Variants in PEX11G observed in about 807,000 individuals in gnomAD.
PEX11G encodes the protein peroxisomal biogenesis factor 11 gamma.
A neutral mutation model predicts 22.5 loss-of-function variants in PEX11G; 20 were observed. The observed-to-expected ratio is 0.89, with a 90% confidence interval of 0.62 to 1.29. PEX11G has a LOEUF of 1.29. Among genes scored for constraint, PEX11G ranks in the 50% most tolerant of loss-of-function variants. PEX11G has a pLI of 0.00. For synonymous variants in PEX11G, 141 were observed against 154.5 expected, an observed-to-expected ratio of 0.91 and a Z score of 0.65; for missense variants, 347 against 331.3, an observed-to-expected ratio of 1.05 and a Z score of -0.37.
intron 3 of PEX11G, among the ~76,000 whole-genome samples, chr19:7,479,092 G>T (rs1428028739): frequency 6.6e-6 from 1 of 152,188 alleles, no homozygotes; most frequent in Non-Finnish European, 1.5e-5. Flanking sequence ...GGGTACCCAG[G>T]GTGCAGGATG....
chr19:7,477,367 G>GCT lies in PEX11G; in HGVS notation c.559_560dup (p.Ser187ArgfsTer28). ...CGGCGTTGGCCAGGTCGGCCAGGTT[G>GCT]CTGAGAAGTGACAGCGCCTCCGACT... On this transcript the variant is annotated frameshift_variant, in exon 5 of 5. Transcript: ENST00000221480. LOFTEE classifies it high-confidence loss of function. The GCT allele has an allele frequency of 6.4e-7, 1 of 1,559,684 alleles. No homozygotes were observed. The highest frequency in any genetic ancestry group is 8.7e-7 in the Non-Finnish European group (1 of 1,154,628).
At position 7,479,479 on chromosome 19, in the gene PEX11G, G is replaced by C. The variant is rs1027942389; in HGVS notation, c.429-1103C>G. ...AGCCTGGGCGACAGAGGAAGACTGT[G>C]TCTCAAGAAAAGAATCAGAAGCCCT... On this transcript the variant is annotated intron_variant, in intron 3 of 4. Coordinates refer to ENST00000221480, the MANE Select transcript of PEX11G (RefSeq NM_080662.4). 2.0e-5 allele frequency among the ~76,000 whole-genome samples: 3 copies of C among 152,296 alleles called. No homozygotes were observed. In the East Asian group the frequency reaches 5.8e-4, roughly 29 times the overall value.
At chr19:7,488,468 C>G (rs569418159) in intron 1 of PEX11G, among the ~76,000 whole-genome samples, 1 of 152,324 alleles carries the variant, frequency 6.6e-6, no homozygotes, top group Admixed American at 6.5e-5. Context: ...GCCAGTGTGT[C>G]AATGTCCAGA....
At chr19:7,484,816 GAAA>G (rs1314036431) in intron 2 of PEX11G, among the ~76,000 whole-genome samples, 1 of 151,750 alleles carries the variant, frequency 6.6e-6, no homozygotes, top group South Asian at 2.1e-4. Context: ...CCTCTGTGGG[GAAA>G]AATTGGAGGC....
At chr19:7,484,866 A>G (rs1402715745) in intron 2 of PEX11G, among the ~76,000 whole-genome samples, 2 of 152,136 alleles carry the variant, frequency 1.3e-5, no homozygotes, top group Non-Finnish European at 2.9e-5. Flanking sequence ...TTTTAAAATT[A>G]TATCCTCCTT....
At position 7,488,959 on chromosome 19, in the gene PEX11G, C is replaced by T. The variant is rs1239678025; in HGVS notation, c.52G>A (p.Asp18Asn). Residue 18 changes from aspartate (D) to asparagine (N), a missense_variant, in exon 1 of 5, where the codon GAC becomes AAC. Coordinates refer to ENST00000221480, the MANE Select transcript of PEX11G (RefSeq NM_080662.4). ...GTCCGCCCCTGCCTCACCAGGCGGT[C>T]CCGGCCCCTGTACGACTCCAGCGCC... is the stretch of plus-strand genomic sequence containing the variant. ...ASALESYRGR[D>N]RLIRVLGYCC... 11 of 1,554,428 alleles carry T rather than the reference C, an allele frequency of 7.1e-6. No homozygotes were observed. The highest frequency in any genetic ancestry group is 2.4e-5 in the East Asian group (1 of 41,256).
chr19:7,491,259 C>T (rs1599228292), upstream of PEX11G: 2 of 143,596 alleles, frequency 1.4e-5, no homozygotes, highest in African/African-American at 5.3e-5. Flanking sequence ...TTTACCACTT[C>T]TTGATTTTTT....
chr19:7,492,928 C>T (rs1438505534), upstream of PEX11G: 1 of 152,234 alleles, frequency 6.6e-6, no homozygotes, highest in Non-Finnish European at 1.5e-5. Context: ...CCCTCCTTCC[C>T]TAACTTCCTT....
rs751260833 is a variant in PEX11G, at chr19:7,482,153, T to C, written c.308A>G (p.Tyr103Cys). 2 of 1,590,846 alleles carry C rather than the reference T, an allele frequency of 1.3e-6. No homozygotes were observed. The highest frequency in any genetic ancestry group is 8.6e-7 in the Non-Finnish European group (1 of 1,169,370). The change falls in exon 3 of 5, where the codon TAC becomes TGC. Residue 103 changes from tyrosine (Y) to cysteine (C), a missense_variant. Coordinates refer to ENST00000221480, the MANE Select transcript of PEX11G (RefSeq NM_080662.4). ...SVLGNLADQL[Y>C]YPCEHVAWAA... ...CCAGGCCACGTGCTCACAGGGGTAG[T>C]AGAGCTGGTCAGCCAGGTTCCCTAG... is the stretch of plus-strand genomic sequence containing the variant.
chr19:7,480,794 T>C (rs1200529386), intron 3 of PEX11G, among the ~76,000 whole-genome samples: 1 of 152,062 alleles, frequency 6.6e-6, no homozygotes, highest in Non-Finnish European at 1.5e-5. Context: ...ACCCCAGCGA[T>C]CTAAGAGCCC....
chr19:7,494,840 A>G (rs886154871), intron 1 of PEX11G, among the ~76,000 whole-genome samples: 8 of 152,164 alleles, frequency 5.3e-5, no homozygotes, highest in African/African-American at 1.7e-4. Flanking sequence ...CTCCATAATC[A>G]TGTCTGAACA....
chr19:7,477,393 G>T lies in PEX11G; in HGVS notation c.535C>A (p.Gln179Lys). The T allele has an allele frequency of 6.5e-7, 1 of 1,534,840 alleles. No individual in the cohort carries two copies. The highest frequency in any genetic ancestry group is 8.7e-7 in the Non-Finnish European group (1 of 1,143,440). ...GKRRAMEAQM[Q>K]SEALSLLSNL... The stretch of plus-strand genomic sequence containing the variant: ...CTGAGAAGTGACAGCGCCTCCGACT[G>T]CATCTGCGCCTCCATGGCCCTCCGC... The change falls in exon 5 of 5, where the codon CAG becomes AAG. Residue 179 changes from glutamine to lysine, a missense_variant. Transcript: ENST00000221480.
At chr19:7,489,103 A>C, upstream of PEX11G, 1 of 1,349,070 alleles carries the variant, frequency 7.4e-7, no homozygotes, top group East Asian at 3.0e-5. Context: ...GCTTGCGCGC[A>C]GGCGCGGCCG....
In PEX11G at chr19:7,478,384, A is replaced by G; in HGVS notation, c.429-8T>C. ...AGCAGCATCCACAGGGACCTGCAGC[A>G]CCAGAGCCCGAGGGAGGATGCCCCG... On this transcript the variant is annotated splice_region_variant and splice_polypyrimidine_tract_variant and intron_variant, in intron 3 of 4. Coordinates refer to ENST00000221480, the MANE Select transcript of PEX11G (RefSeq NM_080662.4). The G allele has an allele frequency of 6.2e-7, 1 of 1,606,926 alleles. No individual in the cohort carries two copies. The highest frequency in any genetic ancestry group is 8.5e-7 in the Non-Finnish European group (1 of 1,177,522).
intron 1 of PEX11G, 141 bp downstream of exon 1, chr19:7,488,810 G>T: frequency 1.2e-6 from 1 of 825,458 alleles, no homozygotes; most frequent in Non-Finnish European, 2.0e-6. Context: ...CAATGCTAGG[G>T]CACCGCATTT....
chr19:7,477,301 G>T lies in PEX11G; in HGVS notation c.627C>A (p.Phe209Leu). Reference protein sequence around the residue: ...LPRGVLWAGRFPPWLVGLMGT... With the variant: ...LPRGVLWAGRLPPWLVGLMGT... ...CCATGAGGCCCACTAGCCACGGCGG[G>T]AAGCGGCCGGCCCACAGCACGCCCC... Residue 209 changes from phenylalanine to leucine, a missense_variant, in exon 5 of 5, where the codon TTC (phenylalanine) becomes TTA (leucine). Physicochemically the swap from Phe to Leu is conservative, Grantham distance 22. Coordinates refer to ENST00000221480, the MANE Select transcript of PEX11G (RefSeq NM_080662.4). 6.4e-7 allele frequency: 1 copy of T among 1,568,806 alleles called. No individual in the cohort carries two copies. The highest frequency in any genetic ancestry group is 8.6e-7 in the Non-Finnish European group (1 of 1,158,352).
intron 2 of PEX11G, among the ~76,000 whole-genome samples, chr19:7,483,875 T>C (rs1483264799): frequency 2.0e-5 from 3 of 151,920 alleles, no homozygotes; most frequent in Non-Finnish European, 4.4e-5. Flanking sequence ...GCAAGATGGC[T>C]CTCTAGATAG....
At chr19:7,479,233 C>T (rs943951790) in intron 3 of PEX11G, among the ~76,000 whole-genome samples, 3 of 152,174 alleles carry the variant, frequency 2.0e-5, no homozygotes, top group East Asian at 1.9e-4. Context: ...CCTGTAATCC[C>T]GGGACTTTGG....
At chr19:7,483,350 C>G (rs1322713520) in intron 2 of PEX11G, 1 of 152,380 alleles carries the variant, frequency 6.6e-6, no homozygotes. Flanking sequence ...GATGGCGGAC[C>G]CCGCCCCAAT....
Sources: gnomAD v4.1 joint callset for allele counts (sites outside exome capture counted in the v4.1 genomes callset) on GRCh38, gnomAD v4.1.1 for gene constraint, MANE v1.5 for transcripts, NCBI Gene and HGNC (gene_info 2026-07-23, HGNC 2026-07-21) for gene names.